Variants in KDM4C observed in about 807,000 individuals in gnomAD.
The protein encoded by KDM4C is lysine demethylase 4C.
KDM4C carries 81 observed loss-of-function variants against 129.3 expected under a neutral mutation model. That is an observed-to-expected ratio of 0.63 (90% CI 0.52 to 0.75). The LOEUF (loss-of-function observed/expected upper bound fraction) is 0.75. Among genes scored for constraint, KDM4C ranks in the 30% least tolerant of loss-of-function variants. The probability of loss-of-function intolerance (pLI) is 0.00; values close to 1 mark genes in which losing one functional copy is unlikely to be tolerated. For synonymous variants in KDM4C, 573 were observed against 456.1 expected (o/e 1.26, Z -3.26); for missense variants, 1,457 against 1,304.0 (o/e 1.12, Z -1.81).
chr9:7,080,583 C>G (rs1161834515), intron 17 of KDM4C, among the ~76,000 whole-genome samples: 1 of 152,146 alleles, frequency 6.6e-6, no homozygotes, highest in Non-Finnish European at 1.5e-5. Flanking sequence ...AAAAACAAGT[C>G]TGTTTTGGCA....
chr9:6,947,308 A>T (rs2131458808), intron 8 of KDM4C, among the ~76,000 whole-genome samples: 1 of 152,310 alleles, frequency 6.6e-6, no homozygotes, highest in South Asian at 2.1e-4. Context: ...ATTTATTTAC[A>T]TGAGAAACTG....
intron 15 of KDM4C, among the ~76,000 whole-genome samples, chr9:7,030,970 C>T (rs576055263): frequency 2.3e-4 from 35 of 152,088 alleles, no homozygotes; most frequent in African/African-American, 7.7e-4. Context: ...ATTTATTTTA[C>T]TCTGCAGAAT....
chr9:6,807,724 G>C (rs1258438057), intron 3 of KDM4C, among the ~76,000 whole-genome samples: 2 of 143,976 alleles, frequency 1.4e-5, no homozygotes, highest in East Asian at 2.2e-4. Context: ...CTCTCCGCCC[G>C]GCAGCCACCC....
At chr9:6,801,560 A>C (rs1269782832) in intron 2 of KDM4C, among the ~76,000 whole-genome samples, 1 of 151,692 alleles carries the variant, frequency 6.6e-6, no homozygotes, top group Non-Finnish European at 1.5e-5. Flanking sequence ...TAAAAAAAAA[A>C]GATTGGAGGG....
intron 19 of KDM4C, among the ~76,000 whole-genome samples, chr9:7,161,129 C>T (rs1158383042): frequency 2.0e-5 from 3 of 152,206 alleles, no homozygotes; most frequent in African/African-American, 7.2e-5. Flanking sequence ...CCACGGGACC[C>T]ACCGAGCCAG....
chr9:6,889,442 C>T (rs1007509240), intron 7 of KDM4C, among the ~76,000 whole-genome samples: 4 of 151,970 alleles, frequency 2.6e-5, no homozygotes, highest in Admixed American at 6.6e-5. Context: ...ATCGTGCCTC[C>T]GAGATGTGCA....
At chr9:6,992,754 G>A (rs1818981832) in intron 12 of KDM4C, among the ~76,000 whole-genome samples, 1 of 152,190 alleles carries the variant, frequency 6.6e-6, no homozygotes, top group African/African-American at 2.4e-5. Context: ...GGGATTTTCT[G>A]TCCTAACTAT....
intron 17 of KDM4C, among the ~76,000 whole-genome samples, chr9:7,086,748 A>ATACACACACCCATG (rs1394350553): frequency 2.6e-5 from 4 of 152,208 alleles, no homozygotes; most frequent in Non-Finnish European, 5.9e-5. Context: ...CAGCTGATAC[A>ATACACACACCCATG]TACACACACC....
At chr9:6,964,897 T>C (rs1176109302) in intron 8 of KDM4C, among the ~76,000 whole-genome samples, 1 of 151,016 alleles carries the variant, frequency 6.6e-6, no homozygotes, top group Non-Finnish European at 1.5e-5. Context: ...GAGGTTGCAG[T>C]GAGCCGAGAT....
intron 3 of KDM4C, among the ~76,000 whole-genome samples, chr9:6,808,690 T>TAAAAAAA (rs908471656): frequency 7.8e-5 from 5 of 63,806 alleles, no homozygotes; most frequent in Admixed American, 1.7e-4. Flanking sequence ...GAATTATCAA[T>TAAAAAAA]AAAAAAAAAA....
At chr9:7,159,534 C>T (rs2130313153) in intron 19 of KDM4C, among the ~76,000 whole-genome samples, 1 of 152,286 alleles carries the variant, frequency 6.6e-6, no homozygotes, top group South Asian at 2.1e-4. Context: ...CTGGTGGTGA[C>T]AAAATCTCTC....
intron 5 of KDM4C, among the ~76,000 whole-genome samples, chr9:6,856,533 TGTGTGC>T (rs906309828): frequency 1.6e-5 from 2 of 126,794 alleles, no homozygotes; most frequent in African/African-American, 6.6e-5. Context: ...TATCTCTCTC[TGTGTGC>T]GTGTGTGTGT....
intron 18 of KDM4C, among the ~76,000 whole-genome samples, chr9:7,113,483 T>A (rs1208633445): frequency 2.0e-5 from 3 of 152,198 alleles, no homozygotes; most frequent in Non-Finnish European, 4.4e-5. Context: ...CCCTAATTTG[T>A]TTTCCCACTG....
chr9:6,896,120 C>G (rs1418640684), intron 8 of KDM4C, among the ~76,000 whole-genome samples: 1 of 152,112 alleles, frequency 6.6e-6, no homozygotes, highest in African/African-American at 2.4e-5. Context: ...ATGTGTTTTC[C>G]TGGAAACTGA....
At position 7,108,283 on chromosome 9, in the gene KDM4C, CTGGAGCGCAG is replaced by C. The variant is rs1422092306; in HGVS notation, c.2610+4417_2610+4426del. Among the ~76,000 whole-genome samples the C allele has an allele frequency of 7.2e-5, 11 of 152,186 alleles. No individual in the cohort carries two copies. The South Asian group carries it at 2.3e-3, about 32-fold the overall frequency. ...ACAGGGTCTTACTCTGTTACCCAGG[CTGGAGCGCAG>C]TGGCATGATCTCGACTCACTGCAAC... is the stretch of plus-strand genomic sequence containing the variant. On this transcript the variant is annotated intron_variant, in intron 18 of 21. Coordinates refer to ENST00000381309, the MANE Select transcript of KDM4C (RefSeq NM_015061.6).
At chr9:7,017,951 ACT>A (rs1223998794) in intron 15 of KDM4C, among the ~76,000 whole-genome samples, 1 of 151,944 alleles carries the variant, frequency 6.6e-6, no homozygotes, top group Non-Finnish European at 1.5e-5. Flanking sequence ...AAATATGGAC[ACT>A]CTTTATGGTC....
intron 8 of KDM4C, among the ~76,000 whole-genome samples, chr9:6,943,921 C>A (rs548340319): frequency 6.6e-5 from 10 of 152,266 alleles, no homozygotes; most frequent in African/African-American, 2.4e-4. Context: ...ATTCACTTTG[C>A]TATGCCTTGC....
At chr9:6,988,129 T>C (rs948497770) in intron 11 of KDM4C, among the ~76,000 whole-genome samples, 4 of 132,980 alleles carry the variant, frequency 3.0e-5, no homozygotes, top group African/African-American at 1.1e-4. Flanking sequence ...CACTCTAGCC[T>C]GGGTGACAGA....
intron 19 of KDM4C, among the ~76,000 whole-genome samples, chr9:7,148,223 G>GA (rs1255619971): frequency 1.3e-5 from 2 of 152,268 alleles, no homozygotes; most frequent in Non-Finnish European, 2.9e-5. Context: ...CAGAGCCCCA[G>GA]AGAGGATGTT....
Sources: gnomAD v4.1 joint callset for allele counts (sites outside exome capture counted in the v4.1 genomes callset) on GRCh38, gnomAD v4.1.1 for gene constraint, MANE v1.5 for transcripts, NCBI Gene and HGNC (gene_info 2026-07-23, HGNC 2026-07-21) for gene names.